ARHGAP40: variants seen among roughly 807,000 people sequenced by gnomAD.
ARHGAP40 encodes the protein rho GTPase-activating protein 40.
A neutral mutation model predicts 73.5 loss-of-function variants in ARHGAP40; 43 were observed. That is an observed-to-expected ratio of 0.58 (90% CI 0.46 to 0.75). The LOEUF (loss-of-function observed/expected upper bound fraction) is 0.75. ARHGAP40 is among the 30% of genes least tolerant of loss of function. The probability of loss-of-function intolerance (pLI) is 0.00; values close to 1 mark genes in which losing one functional copy is unlikely to be tolerated. For missense variants in ARHGAP40, 734 were observed against 861.8 expected (o/e 0.85, Z 1.86); for synonymous variants, 300 against 352.8 (o/e 0.85, Z 1.68).
chr20:38,641,789 C>T, exon 10 of ARHGAP40: 1 of 1,295,258 alleles, frequency 7.7e-7, no homozygotes, highest in Non-Finnish European at 1.0e-6. Flanking sequence ...CTCCCAGAAC[C>T]CAACAGAAAT....
At chr20:38,638,190 C>T (rs1303711715) in intron 7 of ARHGAP40, among the ~76,000 whole-genome samples, 1 of 151,680 alleles carries the variant, frequency 6.6e-6, no homozygotes, top group Non-Finnish European at 1.5e-5. Flanking sequence ...TGGCGGGCAC[C>T]TGTAGTCCCA....
At chr20:38,613,710 C>T (rs1156228801) in intron 1 of ARHGAP40, among the ~76,000 whole-genome samples, 1 of 152,214 alleles carries the variant, frequency 6.6e-6, no homozygotes, top group Non-Finnish European at 1.5e-5. Context: ...GCTGTGCCTT[C>T]CCTGTCTCTC....
At chr20:38,632,742 A>C (rs1476776717) in intron 5 of ARHGAP40, among the ~76,000 whole-genome samples, 1 of 151,748 alleles carries the variant, frequency 6.6e-6, no homozygotes, top group Non-Finnish European at 1.5e-5. Flanking sequence ...TTGGAAGGCC[A>C]AGGTGGGAGG....
chr20:38,646,711 C>G lies in ARHGAP40; in HGVS notation c.1711-246C>G, dbSNP rs889640454. ...TGTGGGTGCGTTGCATGTACTCCTG[C>G]TGTGTGTACAAGTGCACCGACACAG... On this transcript the variant is annotated intron_variant, in intron 12 of 14. Coordinates refer to ENST00000373345, the Ensembl canonical transcript of ARHGAP40. The surrounding 1 kb of genome is among the most constrained non-coding windows in gnomAD (Gnocchi z 4.5). 1.3e-5 allele frequency among the ~76,000 whole-genome samples: 2 copies of G among 152,144 alleles called. No individual in the cohort carries two copies. The highest frequency in any genetic ancestry group is 2.9e-5 in the Non-Finnish European group (2 of 68,024).
chr20:38,649,871 C>A, exon 15 of ARHGAP40: 1 of 1,292,112 alleles, frequency 7.7e-7, no homozygotes, highest in Non-Finnish European at 1.0e-6. Flanking sequence ...TCAGGAGCAG[C>A]CTGGATGCCT....
Position 38,641,667 on chromosome 20 carries a change from G to C in ARHGAP40, c.1280-59G>C, listed in dbSNP as rs892367953. 1.6e-5 allele frequency: 19 copies of C among 1,216,904 alleles called. No individual in the cohort carries two copies. The African/African-American group carries it at 2.9e-4, about 19-fold the overall frequency. 75.4% of individuals were successfully genotyped at this position (1,216,904 alleles called of 1,614,324 possible). A position where few individuals can be genotyped will look rare whatever the true frequency, so the allele number is the denominator to read the frequency against. ...CTGGAATTTCCCCAAGAAGAGACCA[G>C]ACTGAGGGAGGGAGTCCCTGAGCCT... On this transcript the variant is annotated intron_variant, in intron 9 of 14. Coordinates refer to ENST00000373345, the Ensembl canonical transcript of ARHGAP40.
At chr20:38,603,613 A>C (rs914608980) in intron 1 of ARHGAP40, among the ~76,000 whole-genome samples, 4 of 152,102 alleles carry the variant, frequency 2.6e-5, no homozygotes, top group Middle Eastern at 6.8e-3. Context: ...TCTCTCATTT[A>C]TATTAGTTTT....
chr20:38,603,403 A>ATCTG (rs1032204449), intron 1 of ARHGAP40, among the ~76,000 whole-genome samples: 41 of 143,998 alleles, frequency 2.8e-4, no homozygotes, highest in South Asian at 1.4e-3. Flanking sequence ...AAGTTTGTTT[A>ATCTG]TCTGTCTATC....
chr20:38,620,086 C>A (rs947760311), intron 1 of ARHGAP40, among the ~76,000 whole-genome samples: 1 of 152,176 alleles, frequency 6.6e-6, no homozygotes, highest in African/African-American at 2.4e-5. Context: ...TAAACTGATG[C>A]TTGAACATGT....
chr20:38,615,340 G>A (rs2088829255), intron 1 of ARHGAP40: 1 of 769,924 alleles, frequency 1.3e-6, no homozygotes, highest in Non-Finnish European at 2.4e-6. Flanking sequence ...CCAGCCACGG[G>A]GGTACTTCCA....
intron 2 of ARHGAP40, among the ~76,000 whole-genome samples, 160 bp from the exon 3 acceptor site, chr20:38,626,835 C>G (rs2145603513): frequency 6.6e-6 from 1 of 152,150 alleles, no homozygotes; most frequent in East Asian, 1.9e-4. Context: ...ATTAGATCTT[C>G]TCCCCCGGAG....
chr20:38,632,186 A>C (rs11699761), intron 5 of ARHGAP40, among the ~76,000 whole-genome samples: 32,988 of 151,528 alleles, frequency 0.22, 4,116 homozygotes, highest in Non-Finnish European at 0.29. Context: ...CTGGTCTCGA[A>C]CTCCTGACCT....
At chr20:38,617,899 T>TA (rs1385080600) in intron 1 of ARHGAP40, among the ~76,000 whole-genome samples, 4 of 152,178 alleles carry the variant, frequency 2.6e-5, no homozygotes, top group Non-Finnish European at 4.4e-5. Flanking sequence ...CTGGCCATAG[T>TA]AAGGGCTCGA....
intron 6 of ARHGAP40, 47 bp downstream of exon 6, chr20:38,634,832 A>G (rs1372573684): frequency 5.7e-6 from 7 of 1,219,838 alleles, no homozygotes; most frequent in Non-Finnish European, 7.4e-6. Context: ...CAGTCCTCAT[A>G]GGGAGCTGAA....
chr20:38,610,173 CTGTG>C (rs140124338), intron 1 of ARHGAP40, among the ~76,000 whole-genome samples: 1 of 151,770 alleles, frequency 6.6e-6, no homozygotes, highest in Admixed American at 6.6e-5. Context: ...TTATGCATCT[CTGTG>C]TGTGTGTGTG....
rs543878310 is a variant in ARHGAP40, at chr20:38,627,145, G to T, written c.488G>T (p.Arg163Leu). 3.8e-6 allele frequency: 5 copies of T among 1,305,430 alleles called. No individual in the cohort carries two copies. The South Asian group carries it at 6.2e-5, about 16-fold the overall frequency. 80.9% of individuals were successfully genotyped at this position (1,305,430 alleles called of 1,614,324 possible). The change falls in exon 3 of 15, where the codon CGC becomes CTC. Residue 163 changes from arginine (R) to leucine (L), a missense_variant. Physicochemically the swap from Arg to Leu is moderately radical, Grantham distance 102. Coordinates refer to ENST00000373345, the Ensembl canonical transcript of ARHGAP40. ...TGCCGCCGGCTGGACATCTATGCTC[G>T]CTCAGTGCGAAGACAACACAAGACA...
intron 1 of ARHGAP40, among the ~76,000 whole-genome samples, chr20:38,607,450 C>T (rs1382078064): frequency 6.6e-6 from 1 of 150,752 alleles, no homozygotes; most frequent in Non-Finnish European, 1.5e-5. Flanking sequence ...TTGCAAACCA[C>T]TTTCCTCCAG....
At chr20:38,619,678 C>T (rs1030932263) in intron 1 of ARHGAP40, among the ~76,000 whole-genome samples, 4 of 146,862 alleles carry the variant, frequency 2.7e-5, no homozygotes, top group Admixed American at 6.8e-5. Flanking sequence ...GGTTCGTATC[C>T]GGGCTTTGTC....
chr20:38,618,162 C>T (rs532336284), intron 1 of ARHGAP40, among the ~76,000 whole-genome samples: 45 of 150,752 alleles, frequency 3.0e-4, no homozygotes, highest in African/African-American at 8.6e-4. Flanking sequence ...TGCAGTGGTG[C>T]GATCTTGGTT....
Sources: allele counts gnomAD v4.1 joint callset (sites outside exome capture counted in the v4.1 genomes callset), GRCh38; gene constraint gnomAD v4.1.1; non-coding constraint Gnocchi (gnomAD v3.1); transcripts MANE v1.5; gene names NCBI Gene and HGNC (gene_info 2026-07-23, HGNC 2026-07-21).